The following PIK3CD variants were observed in gnomAD, a reference collection of about 807,000 sequenced individuals.
PIK3CD encodes the protein phosphatidylinositol 4,5-bisphosphate 3-kinase catalytic subunit delta isoform.
Under a neutral mutation model 122.9 loss-of-function variants are expected in PIK3CD, and 20 were observed. The observed-to-expected ratio is 0.16, with a 90% CI of 0.11 to 0.24. The LOEUF (loss-of-function observed/expected upper bound fraction) is 0.24. Ranked by LOEUF, PIK3CD falls within the 10% of genes least tolerant of loss-of-function variation. The probability of loss-of-function intolerance (pLI) is 1.00; values close to 1 mark genes in which losing one functional copy is unlikely to be tolerated. For missense variants in PIK3CD, 787 were observed against 1,406.3 expected, an observed-to-expected ratio of 0.56 and a Z score of 7.04; for synonymous variants, 596 against 593.4, an observed-to-expected ratio of 1.00 and a Z score of -0.06.
chr1:9,721,977 G>A lies in PIK3CD; in HGVS notation c.2058G>A (p.Gly686=). The A allele has an allele frequency of 6.2e-7, 1 of 1,613,570 alleles. No individual in the cohort carries two copies. Among genetic ancestry groups the A allele is most frequent in the Non-Finnish European group, 8.5e-7 (1 of 1,180,008 alleles). Residue 686 remains glycine, a splice_region_variant and synonymous_variant, in exon 17 of 24, where the codon GGG becomes GGA. Transcript: ENST00000377346. ...THHMKVLMKQ[G]EALSKLKALN... is the part of the protein sequence containing the mutation. ...CCGCCCTCCCATCTGCCCACCAGGG[G>A]GAAGCACTGAGCAAACTGAAGGCCC...
In PIK3CD at chr1:9,724,421, G is replaced by A. The variant is rs1649167161; in HGVS notation, c.2864G>A (p.Arg955Gln). ...ACTAATAATAGTGAGAAATTTGAAC[G>A]GTGAGAGTGCCTGAGCCCCACCAGA... ...GKTNNSEKFE[R>Q]FRGYCERAYT... is the part of the protein sequence containing the mutation. The change falls in exon 22 of 24, where the codon CGG (arginine) becomes CAG (glutamine). Residue 955 changes from arginine (R) to glutamine (Q), a missense_variant and splice_region_variant. Physicochemically the swap from Arg to Gln is conservative, Grantham distance 43 (BLOSUM62 1). Coordinates refer to ENST00000377346, the MANE Select transcript of PIK3CD (RefSeq NM_005026.5). This position sits in a 1 kb window ranked among gnomAD's most constrained non-coding sequence, Gnocchi z 7.3. 1.9e-6 allele frequency: 3 copies of A among 1,614,032 alleles called. No individual in the cohort carries two copies. The highest frequency in any genetic ancestry group is 2.5e-6 in the Non-Finnish European group (3 of 1,180,022).
chr1:9,629,058 C>G, the PIK3CD span, among the ~76,000 whole-genome samples: 1 of 152,076 alleles, frequency 6.6e-6, no homozygotes, highest in African/African-American at 2.4e-5. Context: ...GTTCTCTCCC[C>G]ACTGTCACCC....
At chr1:9,684,076 C>A (rs1201224675) in intron 1 of PIK3CD, among the ~76,000 whole-genome samples, 1 of 152,156 alleles carries the variant, frequency 6.6e-6, no homozygotes, top group African/African-American at 2.4e-5. Context: ...AGCGGCATGG[C>A]TTCTCATGGC....
At chr1:9,663,761 G>A (rs1450918042) in intron 1 of PIK3CD, among the ~76,000 whole-genome samples, 1 of 126,626 alleles carries the variant, frequency 7.9e-6, no homozygotes, top group African/African-American at 3.1e-5. Flanking sequence ...AGGCCCTGGT[G>A]TGTGATGTTC....
Position 9,723,030 on chromosome 1 carries a change from G to C in PIK3CD, c.2427-95G>C, listed in dbSNP as rs1648935248. ...CAATGTGGGCAGCAGCATCTTCTGT[G>C]GCTTTTTGGGGCACCATGAGTTTCT... On this transcript the variant is annotated intron_variant, in intron 19 of 23. Coordinates refer to ENST00000377346, the MANE Select transcript of PIK3CD (RefSeq NM_005026.5). The surrounding 1 kb of genome is among the most constrained non-coding windows in gnomAD (Gnocchi z 4.9). 2.4e-6 allele frequency: 3 copies of C among 1,247,522 alleles called. No homozygotes were observed. The South Asian group carries it at 3.6e-5, about 15-fold the overall frequency. The allele number at this position is 1,247,522 out of a possible 1,614,324, so 77.3% of individuals were successfully genotyped here. A position where few individuals can be genotyped will look rare whatever the true frequency, so the allele number is the denominator to read the frequency against.
chr1:9,673,662 C>T (rs1645409909), intron 1 of PIK3CD, among the ~76,000 whole-genome samples: 1 of 152,130 alleles, frequency 6.6e-6, no homozygotes, highest in Admixed American at 6.6e-5. Context: ...CTCAGCCTCC[C>T]GAAGTGCCGG....
rs1437624320 is a variant in PIK3CD at position 9,710,636 on chromosome 1, G to A, written c.141+40G>A. On this transcript the variant is annotated intron_variant, in intron 3 of 23. Transcript: ENST00000377346. This position sits in a 1 kb window ranked among gnomAD's most constrained non-coding sequence, Gnocchi z 4.7. ...CGGTCCTCAGACCTTGGTGCTCAGA[G>A]AGAGAGAGAGAGAGAGAGACACAGA... is the stretch of plus-strand genomic sequence containing the variant. 7.5e-7 allele frequency: 1 copy of A among 1,341,398 alleles called. No individual in the cohort carries two copies. Among genetic ancestry groups the A allele is most frequent in the Non-Finnish European group, 1.0e-6 (1 of 971,522 alleles). 83.1% of individuals were successfully genotyped at this position (1,341,398 alleles called of 1,614,324 possible). A position where few individuals can be genotyped will look rare whatever the true frequency, so the allele number is the denominator to read the frequency against.
At chr1:9,667,912 T>TG (rs1645210457) in intron 1 of PIK3CD, among the ~76,000 whole-genome samples, 2 of 144,722 alleles carry the variant, frequency 1.4e-5, no homozygotes, top group Non-Finnish European at 3.0e-5. Flanking sequence ...ATTTTTGTTT[T>TG]TTTTTTTTTT....
At chr1:9,695,658 A>G (rs541051593) in intron 2 of PIK3CD, among the ~76,000 whole-genome samples, 1 of 152,232 alleles carries the variant, frequency 6.6e-6, no homozygotes, top group Admixed American at 6.5e-5. Flanking sequence ...CCTGGCCAAC[A>G]TGGTGAAACC....
In PIK3CD at chr1:9,705,542, C is replaced by G. The variant is rs1311681583; in HGVS notation, c.-32-4882C>G. On this transcript the variant is annotated intron_variant, in intron 2 of 23. Transcript: ENST00000377346. ...CAACAACAAAAAACCTTCTACTCAC[C>G]AAAAAGACACCATAAGCAAAGCAAA... Among the ~76,000 whole-genome samples the G allele has an allele frequency of 2.0e-5, 3 of 151,696 alleles. No individual in the cohort carries two copies. The East Asian group carries it at 5.8e-4, about 29-fold the overall frequency.
At chr1:9,705,260 C>T (rs561651423) in intron 2 of PIK3CD, among the ~76,000 whole-genome samples, 1 of 145,750 alleles carries the variant, frequency 6.9e-6, no homozygotes, top group Non-Finnish European at 1.5e-5. Context: ...CACTTGAGCC[C>T]AGGAGTTTGG....
At chr1:9,712,181 C>T (rs901875319) in intron 3 of PIK3CD, among the ~76,000 whole-genome samples, 20 of 152,162 alleles carry the variant, frequency 1.3e-4, no homozygotes, top group African/African-American at 2.4e-5. Flanking sequence ...TGTCTTGTGA[C>T]CTTCTAAAGG....
chr1:9,721,399 C>T lies in PIK3CD; in HGVS notation c.1812-45C>T. ...GGCTGCCGAGGGAGCTCCCTCCTGT[C>T]CTGAGTCGGGGAGCTCCAGGCCCCA... On this transcript the variant is annotated intron_variant, in intron 14 of 23. Coordinates refer to ENST00000377346, the MANE Select transcript of PIK3CD (RefSeq NM_005026.5). 7 of 1,611,498 alleles carry T rather than the reference C, an allele frequency of 4.3e-6. No homozygotes were observed. In the South Asian group the frequency reaches 7.7e-5, roughly 18 times the overall value.
chr1:9,635,829 G>A, the PIK3CD span, among the ~76,000 whole-genome samples: 5 of 152,184 alleles, frequency 3.3e-5, no homozygotes, highest in Non-Finnish European at 4.4e-5. Context: ...CTTCTGATGG[G>A]TTCCCATCCC....
At position 9,658,373 on chromosome 1, in the gene PIK3CD, G is replaced by A. The variant is rs1460298431; in HGVS notation, c.-138+6571G>A. On this transcript the variant is annotated intron_variant, in intron 1 of 23. Coordinates refer to ENST00000377346, the MANE Select transcript of PIK3CD (RefSeq NM_005026.5). ...TGCACTCTAGCCTGCGTGACAGAGCGAGACCCTGTCTCAAAAAAAAAAAAA... is the reference window on the plus strand; with the variant it reads ...TGCACTCTAGCCTGCGTGACAGAGCAAGACCCTGTCTCAAAAAAAAAAAAA... Among the ~76,000 whole-genome samples the A allele has an allele frequency of 5.7e-5, 8 of 140,328 alleles. No individual in the cohort carries two copies. The East Asian group carries it at 1.5e-3, about 27-fold the overall frequency. The allele number at this position is 140,328 out of a possible 152,430, so 92.1% of individuals were successfully genotyped here.
At chr1:9,635,377 C>T in the PIK3CD span, among the ~76,000 whole-genome samples, 1 of 151,682 alleles carries the variant, frequency 6.6e-6, no homozygotes, top group African/African-American at 2.4e-5. Context: ...CTGCATGATT[C>T]TCCCCCACTC....
chr1:9,654,357 A>G, intron 1 of PIK3CD: 1 of 1,367,610 alleles, frequency 7.3e-7, no homozygotes, highest in Non-Finnish European at 9.8e-7. Flanking sequence ...CTCCGATACC[A>G]TGTTTAGCAA....
intron 2 of PIK3CD, among the ~76,000 whole-genome samples, chr1:9,708,617 G>A (rs1317788084): frequency 6.6e-6 from 1 of 152,104 alleles, no homozygotes; most frequent in African/African-American, 2.4e-5. Context: ...GGAGCCCAAG[G>A]CAGGTGGATC....
At chr1:9,667,577 C>T (rs991168807) in intron 1 of PIK3CD, among the ~76,000 whole-genome samples, 1 of 151,478 alleles carries the variant, frequency 6.6e-6, no homozygotes, top group Admixed American at 6.6e-5. Context: ...TGGGTTTCAC[C>T]GTGTTAGCCA....
Sources: gnomAD v4.1 joint callset for allele counts (sites outside exome capture counted in the v4.1 genomes callset) on GRCh38, gnomAD v4.1.1 for gene constraint, Gnocchi (gnomAD v3.1) non-coding constraint, MANE v1.5 for transcripts, NCBI Gene and HGNC (gene_info 2026-07-23, HGNC 2026-07-21) for gene names.